The following METTL1 variants were observed in gnomAD, a reference collection of about 807,000 sequenced individuals.
The protein encoded by METTL1 is tRNA (guanine-N(7)-)-methyltransferase.
METTL1 carries 14 observed loss-of-function variants against 27.7 expected under a neutral mutation model. The observed-to-expected ratio is 0.51, with a 90% confidence interval of 0.33 to 0.79. METTL1 has a LOEUF of 0.79. METTL1 is among the 30% of genes least tolerant of loss of function. METTL1 has a pLI of 0.02. For missense variants in METTL1, 333 were observed against 359.6 expected, an observed-to-expected ratio of 0.93 and a Z score of 0.60; for synonymous variants, 138 against 137.0, an observed-to-expected ratio of 1.01 and a Z score of -0.05.
At chr12:57,770,349 G>A (rs1185601534) in intron 2 of METTL1, among the ~76,000 whole-genome samples, 1 of 152,200 alleles carries the variant, frequency 6.6e-6, no homozygotes, top group African/African-American at 2.4e-5. Flanking sequence ...GTCTTGCTCT[G>A]TCACCCAGGC....
At chr12:57,771,839 C>G in intron 1 of METTL1, 135 bp downstream of exon 1, 1 of 1,198,348 alleles carries the variant, frequency 8.3e-7, no homozygotes, top group Non-Finnish European at 1.1e-6. Flanking sequence ...CTCCCGGTCC[C>G]ACCCCCAAAA....
Position 57,771,082 on chromosome 12 carries a change from C to A in METTL1, c.274+12G>T, listed in dbSNP as rs373850379. 4 of 1,611,696 alleles carry A rather than the reference C, an allele frequency of 2.5e-6. No individual in the cohort carries two copies. Among genetic ancestry groups the A allele is most frequent in the Non-Finnish European group, 3.4e-6 (4 of 1,179,360 alleles). On this transcript the variant is annotated intron_variant, in intron 2 of 5. Coordinates refer to ENST00000324871, the MANE Select transcript of METTL1 (RefSeq NM_005371.6). ...GCCTCTTCTCACCCCAAAAAGAGGG[C>A]CTGAGTGTTACCTAACAGGCCACCA...
chr12:57,770,676 C>A, intron 2 of METTL1: 1 of 177,768 alleles, frequency 5.6e-6, no homozygotes, highest in Non-Finnish European at 1.2e-5. Flanking sequence ...CAAGAGGAAC[C>A]CAAAAAACAG....
chr12:57,771,618 A>C, intron 1 of METTL1: 1 of 1,535,214 alleles, frequency 6.5e-7, no homozygotes, highest in African/African-American at 1.4e-5. Context: ...GCGGGGAGGG[A>C]AGGTAAGGTA....
intron 1 of METTL1, chr12:57,771,637 G>A: frequency 6.5e-7 from 1 of 1,534,834 alleles, no homozygotes. Flanking sequence ...TAAGGTGCGG[G>A]CAGGATTGTG....
chr12:57,771,631 G>A, intron 1 of METTL1: 1 of 1,535,318 alleles, frequency 6.5e-7, no homozygotes, highest in Non-Finnish European at 8.7e-7. Flanking sequence ...GTAAGGTAAG[G>A]TGCGGGCAGG....
intron 5 of METTL1, 67 bp downstream of exon 5, chr12:57,769,236 C>G: frequency 6.2e-7 from 1 of 1,610,856 alleles, no homozygotes; most frequent in Non-Finnish European, 8.5e-7. Context: ...CCTCCTGGCA[C>G]TGAGTTAAGT....
Position 57,768,958 on chromosome 12 carries a change from C to A in METTL1, c.*38G>T, listed in dbSNP as rs779713965. ...CAGGACTCCTGCTCTTTTCTCTAAT[C>A]CCTGGGAGACGAGGTCCAGCTAAGG... On this transcript the variant is annotated 3_prime_UTR_variant, in exon 6 of 6. Coordinates refer to ENST00000324871, the MANE Select transcript of METTL1 (RefSeq NM_005371.6). 4 of 1,583,060 alleles carry A rather than the reference C, an allele frequency of 2.5e-6. No homozygotes were observed. The highest frequency in any genetic ancestry group is 3.5e-6 in the Non-Finnish European group (4 of 1,156,812).
rs375468612 is a variant in METTL1 at position 57,769,376 on chromosome 12, A to G, written c.602T>C (p.Leu201Pro). 15 of 1,614,108 alleles carry G rather than the reference A, an allele frequency of 9.3e-6. No homozygotes were observed. The African/African-American group carries it at 1.7e-4, about 19-fold the overall frequency. The change falls in exon 5 of 6, where the codon CTG (leucine) becomes CCG (proline). Residue 201 changes from leucine to proline, a missense_variant. Transcript: ENST00000324871. Reference sequence around the variant, plus strand: ...AGTGCACATCCAGTCGTGTAGCTCCAGCACATCGGTTATGGTATACACCAG... The same window carrying G: ...AGTGCACATCCAGTCGTGTAGCTCCGGCACATCGGTTATGGTATACACCAG... ...GGLVYTITDV[L>P]ELHDWMCTHF...
chr12:57,770,375 C>T (rs1236914372), intron 2 of METTL1, among the ~76,000 whole-genome samples: 3 of 152,160 alleles, frequency 2.0e-5, no homozygotes, highest in African/African-American at 7.2e-5. Flanking sequence ...TGCAGTGGCA[C>T]AATCTTGGCT....
Position 57,771,957 on chromosome 12 carries a change from C to T in METTL1, c.110+17G>A, listed in dbSNP as rs1164547029. The T allele has an allele frequency of 1.3e-6, 2 of 1,501,404 alleles. No homozygotes were observed. The highest frequency in any genetic ancestry group is 1.8e-6 in the Non-Finnish European group (2 of 1,130,810). 93.0% of individuals were successfully genotyped at this position (1,501,404 alleles called of 1,614,324 possible). On this transcript the variant is annotated intron_variant, in intron 1 of 5. Coordinates refer to ENST00000324871, the MANE Select transcript of METTL1 (RefSeq NM_005371.6). The stretch of plus-strand genomic sequence containing the variant: ...GAGAATCCCGCCCTCCTCTCTCTCC[C>T]TCTGCCCACTCCTCACTAGCGCAGC...
chr12:57,771,431 A>G (rs1411720397), intron 1 of METTL1, 174 bp from the exon 2 acceptor site: 2 of 1,461,140 alleles, frequency 1.4e-6, no homozygotes, highest in Non-Finnish European at 1.8e-6. Flanking sequence ...AACCACCCTT[A>G]ACTCCCAGTG....
Position 57,772,048 on chromosome 12 carries a change from C to A in METTL1, c.36G>T (p.Glu12Asp). ...AAETRNVAGA[E>D]APPPQKRYYR... is the part of the protein sequence containing the mutation. ...AGTAGCGCTTCTGGGGCGGTGGGGC[C>A]TCTGCTCCGGCCACGTTCCGAGTCT... is the stretch of plus-strand genomic sequence containing the variant. Residue 12 changes from glutamate (E) to aspartate (D), a missense_variant, in exon 1 of 6, where the codon GAG becomes GAT. Glu to Asp is a conservative substitution (Grantham distance 45). Transcript: ENST00000324871. The surrounding 1 kb of genome is among the most constrained non-coding windows in gnomAD (Gnocchi z 4.1). The A allele has an allele frequency of 6.4e-7, 1 of 1,556,072 alleles. No individual in the cohort carries two copies.
rs1015961894 is a variant in METTL1 at position 57,771,885 on chromosome 12, C to T, written c.110+89G>A. On this transcript the variant is annotated intron_variant, in intron 1 of 5. Coordinates refer to ENST00000324871, the MANE Select transcript of METTL1 (RefSeq NM_005371.6). ...CCCATCTGATCCTCCCGGGTCTACC[C>T]CAAATCCTCCCAGCAGTTGCAGCAC... 3.5e-6 allele frequency: 5 copies of T among 1,415,996 alleles called. No individual in the cohort carries two copies. The African/African-American group carries it at 7.3e-5, about 21-fold the overall frequency. 87.7% of individuals were successfully genotyped at this position (1,415,996 alleles called of 1,614,324 possible). A position where few individuals can be genotyped will look rare whatever the true frequency, so the allele number is the denominator to read the frequency against.
At position 57,769,877 on chromosome 12, in the gene METTL1, G is replaced by T. The variant is rs776760622; in HGVS notation, c.354C>A (p.Asp118Glu). ...IRVKVSDYVQDRIRALRAAPA... is the reference protein window; with the variant it reads ...IRVKVSDYVQERIRALRAAPA... ...GAGCTGCGCGTAGGGCCCGAATCCG[G>T]TCTTGTACATAGTCTGAGACCTTCA... Residue 118 changes from aspartate (D) to glutamate (E), a missense_variant, in exon 3 of 6, where the codon GAC (aspartate) becomes GAA (glutamate). Asp to Glu is a conservative substitution (Grantham distance 45). Transcript: ENST00000324871. The T allele has an allele frequency of 5.0e-6, 8 of 1,613,988 alleles. No homozygotes were observed. The East Asian group carries it at 1.8e-4, about 36-fold the overall frequency.
At chr12:57,771,929 T>C (rs763953632) in intron 1 of METTL1, 45 bp downstream of exon 1, 1 of 1,480,964 alleles carries the variant, frequency 6.8e-7, no homozygotes, top group East Asian at 2.5e-5. Flanking sequence ...TCCCGGCTGC[T>C]TTGAGAATCC....
In METTL1 at chr12:57,769,170, C is replaced by T; in HGVS notation, c.676-19G>A. On this transcript the variant is annotated intron_variant, in intron 5 of 5. Coordinates refer to ENST00000324871, the MANE Select transcript of METTL1 (RefSeq NM_005371.6). ...CTTCACTCTGGGAGAAGGAAGGGTC[C>T]AATAAGTCCTTGCCCACTGTTCAGA... 1.2e-6 allele frequency: 2 copies of T among 1,601,022 alleles called. No homozygotes were observed. The highest frequency in any genetic ancestry group is 1.7e-6 in the Non-Finnish European group (2 of 1,168,856).
intron 1 of METTL1, chr12:57,771,670 A>G (rs1480132460): frequency 1.5e-5 from 23 of 1,515,414 alleles, no homozygotes; most frequent in Non-Finnish European, 1.8e-5. Flanking sequence ...TTTTTATTAA[A>G]TCCAACAAAC....
Position 57,769,655 on chromosome 12 carries a change from G to C in METTL1, c.483C>G (p.Phe161Leu). ...TTGTCCGCTTGAAATGTGGGTCGGG[G>C]AAGAGGAAGAACATCTTTGTCAGCT... ...KGQLTKMFFL[F>L]PDPHFKRTKH... The change falls in exon 4 of 6, where the codon TTC (phenylalanine) becomes TTG (leucine). Residue 161 changes from phenylalanine to leucine, a missense_variant. Coordinates refer to ENST00000324871, the MANE Select transcript of METTL1 (RefSeq NM_005371.6). 4 of 1,565,182 alleles carry C rather than the reference G, an allele frequency of 2.6e-6. No homozygotes were observed. Among genetic ancestry groups the C allele is most frequent in the Non-Finnish European group, 3.5e-6 (4 of 1,152,220 alleles).
Sources: allele counts gnomAD v4.1 joint callset (sites outside exome capture counted in the v4.1 genomes callset), GRCh38; gene constraint gnomAD v4.1.1; non-coding constraint Gnocchi (gnomAD v3.1); transcripts MANE v1.5; gene names NCBI Gene and HGNC (gene_info 2026-07-23, HGNC 2026-07-21).